Variants in NFATC2 observed in about 807,000 individuals in gnomAD.
NFATC2 encodes nuclear factor of activated T cells 2.
In NFATC2, 22 loss-of-function variants were observed where a neutral mutation model predicts 87.3. That is an observed-to-expected ratio of 0.25 (90% CI 0.18 to 0.36). The LOEUF (loss-of-function observed/expected upper bound fraction) is 0.36, where lower values mean the gene tolerates loss of function less well. NFATC2 is among the 10% of genes least tolerant of loss of function. The pLI, the probability that NFATC2 is intolerant of heterozygous loss-of-function variation, is 1.00. For missense variants in NFATC2, 1,149 were observed against 1,259.1 expected (o/e 0.91, Z 1.32); for synonymous variants, 565 against 542.2 (o/e 1.04, Z -0.58).
intron 5 of NFATC2, 113 bp downstream of exon 5, chr20:51,473,867 C>T (rs1988461457): frequency 1.8e-6 from 2 of 1,129,880 alleles, no homozygotes; most frequent in Non-Finnish European, 2.5e-6. Context: ...CTGTGGGTCC[C>T]ACACATTCCC....
chr20:51,425,069 G>GCTC (rs1325583180), intron 9 of NFATC2, among the ~76,000 whole-genome samples: 1 of 152,006 alleles, frequency 6.6e-6, no homozygotes, highest in East Asian at 1.9e-4. Flanking sequence ...GTCTTAAAAG[G>GCTC]CTCCTGGCTG....
rs565674358 is a variant in NFATC2, at chr20:51,391,469, A to AAG, written c.*45-19_*45-18insCT. ...TTCATTAACTACAAAAGAAAAGAGGAGGGGGGGGGAGAGAGAATGGGGCAA... is the reference window on the plus strand; with the variant it reads ...TTCATTAACTACAAAAGAAAAGAGGAAGGGGGGGGGGAGAGAGAATGGGGCAA... On this transcript the variant is annotated intron_variant, in intron 10 of 10. Transcript: ENST00000371564. 1 of 1,048,668 alleles carries AAG rather than the reference A, an allele frequency of 9.5e-7. No homozygotes were observed. Among genetic ancestry groups the AAG allele is most frequent in the Non-Finnish European group, 1.4e-6 (1 of 714,328 alleles). The allele number at this position is 1,048,668 out of a possible 1,614,324, so 65.0% of individuals were successfully genotyped here. A position where few individuals can be genotyped will look rare whatever the true frequency, so the allele number is the denominator to read the frequency against.
chr20:51,412,941 C>T (rs926658589), intron 9 of NFATC2, among the ~76,000 whole-genome samples: 3 of 140,458 alleles, frequency 2.1e-5, no homozygotes, highest in Admixed American at 7.1e-5. Flanking sequence ...AGGATGAGGC[C>T]GCCGACCCCA....
At chr20:51,452,993 CT>C (rs1985987828) in intron 6 of NFATC2, 1 of 154,792 alleles carries the variant, frequency 6.5e-6, no homozygotes. Flanking sequence ...CTTAATGCCT[CT>C]CTACACCACT....
At chr20:51,444,191 A>G (rs1984743446) in intron 6 of NFATC2, among the ~76,000 whole-genome samples, 2 of 152,070 alleles carry the variant, frequency 1.3e-5, no homozygotes, top group Admixed American at 1.3e-4. Flanking sequence ...CATGTTGGCC[A>G]GGCTGGTCTT....
At chr20:51,449,058 A>G (rs1029588504) in intron 6 of NFATC2, among the ~76,000 whole-genome samples, 3 of 152,108 alleles carry the variant, frequency 2.0e-5, no homozygotes, top group Non-Finnish European at 2.9e-5. Context: ...TAAAAAGAAC[A>G]TTGGAGCTGG....
At chr20:51,504,734 C>G (rs986691844) in intron 3 of NFATC2, among the ~76,000 whole-genome samples, 36 of 152,300 alleles carry the variant, frequency 2.4e-4, no homozygotes, top group African/African-American at 8.7e-4. Flanking sequence ...AGTTGCACAG[C>G]CTCTCTGTGT....
At position 51,562,040 on chromosome 20, in the gene NFATC2, G is replaced by C. The variant is rs1027111956; in HGVS notation, c.70+520C>G. On this transcript the variant is annotated intron_variant, in intron 1 of 10. Transcript: ENST00000414705. The surrounding 1 kb of genome is among the most constrained non-coding windows in gnomAD (Gnocchi z 5.8). ...CTATCCAGCAGGCACATCAAAAAGGGGGAAGAAAATAGTTTAAATGTCCCA... is the reference window on the plus strand; with the variant it reads ...CTATCCAGCAGGCACATCAAAAAGGCGGAAGAAAATAGTTTAAATGTCCCA... 2.0e-5 allele frequency among the ~76,000 whole-genome samples: 3 copies of C among 152,102 alleles called. No homozygotes were observed. Among genetic ancestry groups the C allele is most frequent in the African/African-American group, 7.2e-5 (3 of 41,386 alleles).
chr20:51,411,446 A>T (rs781076609), intron 9 of NFATC2, among the ~76,000 whole-genome samples: 3 of 150,356 alleles, frequency 2.0e-5, no homozygotes, highest in Non-Finnish European at 3.0e-5. Context: ...ACCCATACAC[A>T]CACACACAGT....
At chr20:51,540,663 T>TTTTTTTTTTTTTTTTTTTTTTTTTTTG (rs1555818354) in intron 1 of NFATC2, among the ~76,000 whole-genome samples, 10 of 135,678 alleles carry the variant, frequency 7.4e-5, no homozygotes, top group African/African-American at 1.7e-4. Context: ...TTTTTGTTTT[T>TTTTTTTTTTTTTTTTTTTTTTTTTTTG]TTTTTTTTGA....
Position 51,512,606 on chromosome 20 carries a change from C to T in NFATC2, c.1332+4178G>A, listed in dbSNP as rs537884634. ...CATTCAAAAAAAGCAATGAAGAGAA[C>T]AGCTGAGCATGGCATATGTTTAAGA... On this transcript the variant is annotated intron_variant, in intron 3 of 10. Coordinates refer to ENST00000371564, the MANE Select transcript of NFATC2 (RefSeq NM_012340.5). Among the ~76,000 whole-genome samples the T allele has an allele frequency of 6.1e-4, 93 of 152,294 alleles. 1 individual carries two copies. Among genetic ancestry groups the T allele is most frequent in the Admixed American group, 6.0e-3 (91 of 15,292 alleles).
intron 5 of NFATC2, among the ~76,000 whole-genome samples, chr20:51,472,626 CTTCTTTT>C (rs1440408029): frequency 6.1e-5 from 8 of 131,918 alleles, no homozygotes; most frequent in African/African-American, 8.6e-5. Context: ...TTTCTTCTTT[CTTCTTTT>C]TTTTTTTTTT....
At chr20:51,505,107 G>A (rs146892323) in intron 3 of NFATC2, among the ~76,000 whole-genome samples, 3 of 137,884 alleles carry the variant, frequency 2.2e-5, no homozygotes, top group South Asian at 2.4e-4. Flanking sequence ...TCCACCTCCC[G>A]GGTTCACACC....
chr20:51,505,409 C>T (rs762550188), intron 3 of NFATC2, among the ~76,000 whole-genome samples: 26 of 151,702 alleles, frequency 1.7e-4, no homozygotes, highest in Non-Finnish European at 2.9e-4. Context: ...CACAGACACA[C>T]AAATACATAT....
In NFATC2 at chr20:51,516,979, C is replaced by T. The variant is rs182615035; in HGVS notation, c.1161-24G>A. On this transcript the variant is annotated intron_variant, in intron 2 of 10. Transcript: ENST00000371564. ...TGCTAAAGGAGAAAATAAAATCAGCCATGTGTGCAATAAACCAAAATTAGT... is the reference window on the plus strand; with the variant it reads ...TGCTAAAGGAGAAAATAAAATCAGCTATGTGTGCAATAAACCAAAATTAGT... 8.2e-5 allele frequency: 130 copies of T among 1,590,004 alleles called. No homozygotes were observed. In the African/African-American group the frequency reaches 1.5e-3, roughly 19 times the overall value.
intron 3 of NFATC2, among the ~76,000 whole-genome samples, chr20:51,478,176 C>T (rs1365551345): frequency 2.0e-5 from 3 of 152,204 alleles, no homozygotes; most frequent in African/African-American, 7.2e-5. Flanking sequence ...GAGAGGCGGC[C>T]TTGGGCCAAG....
chr20:51,394,156 G>A (rs1986713036), intron 10 of NFATC2, among the ~76,000 whole-genome samples: 1 of 152,076 alleles, frequency 6.6e-6, no homozygotes, highest in Non-Finnish European at 1.5e-5. Flanking sequence ...TGAAATGTCG[G>A]CACTTGTTCC....
intron 9 of NFATC2, among the ~76,000 whole-genome samples, chr20:51,405,777 CT>C (rs1256945058): frequency 6.6e-6 from 1 of 152,190 alleles, no homozygotes; most frequent in Non-Finnish European, 1.5e-5. Flanking sequence ...GAAAGAATAA[CT>C]ACCACCTCCT....
chr20:51,455,526 T>C (rs1986308980), intron 5 of NFATC2, among the ~76,000 whole-genome samples: 1 of 151,592 alleles, frequency 6.6e-6, no homozygotes, highest in Non-Finnish European at 1.5e-5. Context: ...TTCTCTGTCC[T>C]ACTTTGCTTT....
Sources: allele counts gnomAD v4.1 joint callset (sites outside exome capture counted in the v4.1 genomes callset), GRCh38; gene constraint gnomAD v4.1.1; non-coding constraint Gnocchi (gnomAD v3.1); transcripts MANE v1.5; gene names NCBI Gene and HGNC (gene_info 2026-07-23, HGNC 2026-07-21).